RNF217: variants seen among roughly 807,000 people sequenced by gnomAD.
RNF217 encodes E3 ubiquitin-protein ligase RNF217.
In RNF217, 31 loss-of-function variants were observed where a neutral mutation model predicts 57.8. That is an observed-to-expected ratio of 0.54 (90% confidence interval 0.40 to 0.72). The LOEUF is 0.72. Among genes scored for constraint, RNF217 ranks in the 30% least tolerant of loss-of-function variants. RNF217 has a pLI of 0.00. For missense variants in RNF217, 696 were observed against 708.3 expected, an observed-to-expected ratio of 0.98 and a Z score of 0.20; for synonymous variants, 313 against 294.0, an observed-to-expected ratio of 1.06 and a Z score of -0.66.
chr6:125,074,127 A>G (rs1788257351), intron 3 of RNF217, among the ~76,000 whole-genome samples: 1 of 152,154 alleles, frequency 6.6e-6, no homozygotes, highest in African/African-American at 2.4e-5. Flanking sequence ...TTTTGAATAC[A>G]TAAAGTCCTG....
rs1394178138 is a variant in RNF217 at position 125,088,632 on chromosome 6, T to C, written c.*5695T>C. 6.6e-6 allele frequency: 1 copy of C among 152,172 alleles called. No individual in the cohort carries two copies. The highest frequency in any genetic ancestry group is 1.5e-5 in the Non-Finnish European group (1 of 68,014). The allele number at this position is 152,172 out of a possible 1,614,324, so 9.4% of individuals were successfully genotyped here. ...ATATATATCTTTTTGGCTAGAGAAG[T>C]GACTATTTTAGAATAACAGTATGAA... On this transcript the variant is annotated 3_prime_UTR_variant, in exon 6 of 6. Coordinates refer to ENST00000521654, the MANE Select transcript of RNF217 (RefSeq NM_001286398.3).
chr6:125,009,672 G>T (rs1433260416), intron 1 of RNF217, among the ~76,000 whole-genome samples: 1 of 149,928 alleles, frequency 6.7e-6, no homozygotes, highest in Non-Finnish European at 1.5e-5. Context: ...AACCTCTGTT[G>T]TATGATCCCT....
At chr6:125,081,009 T>G (rs1271788608) in intron 4 of RNF217, among the ~76,000 whole-genome samples, 1 of 152,066 alleles carries the variant, frequency 6.6e-6, no homozygotes, top group Non-Finnish European at 1.5e-5. Context: ...AAGCCCTCTG[T>G]AGGACCTACC....
intron 1 of RNF217, among the ~76,000 whole-genome samples, chr6:125,005,733 A>G (rs766144495): frequency 6.6e-6 from 1 of 152,194 alleles, no homozygotes; most frequent in Non-Finnish European, 1.5e-5. Flanking sequence ...GTGGTTATTT[A>G]TTCTGTTATT....
chr6:125,054,140 AT>A (rs1230132406), intron 2 of RNF217, among the ~76,000 whole-genome samples: 2 of 152,162 alleles, frequency 1.3e-5, no homozygotes, highest in African/African-American at 4.8e-5. Context: ...GAGATTAGAC[AT>A]CTACATCCCT....
Position 125,020,484 on chromosome 6 carries a change from C to T in RNF217, c.883-24727C>T, listed in dbSNP as rs112459056. On this transcript the variant is annotated intron_variant, in intron 1 of 5. Coordinates refer to ENST00000521654, the MANE Select transcript of RNF217 (RefSeq NM_001286398.3). ...ATCATGCAGGTCTTTCTCAGAATGA[C>T]GGGCTGGAGCCTAGTCATCCAGATG... Among the ~76,000 whole-genome samples, 556 of 152,252 alleles carry T rather than the reference C, an allele frequency of 3.7e-3. 5 individuals carry two copies. The highest frequency in any genetic ancestry group is 0.032 in the South Asian group (155 of 4,826).
intron 3 of RNF217, among the ~76,000 whole-genome samples, chr6:125,076,111 C>T (rs1046050040): frequency 1.3e-5 from 2 of 152,088 alleles, no homozygotes; most frequent in African/African-American, 4.8e-5. Context: ...ACAAACAACA[C>T]ATTTACAAAT....
intron 3 of RNF217, among the ~76,000 whole-genome samples, chr6:125,070,672 TG>T (rs1260116501): frequency 6.6e-6 from 1 of 152,226 alleles, no homozygotes; most frequent in Non-Finnish European, 1.5e-5. Flanking sequence ...TCATGTCCTT[TG>T]TCCACTTTTT....
chr6:124,986,452 C>T (rs572554073), intron 1 of RNF217, among the ~76,000 whole-genome samples: 1 of 152,298 alleles, frequency 6.6e-6, no homozygotes, highest in East Asian at 1.9e-4. Context: ...GCATGGCTTC[C>T]ATCTGATCCC....
At position 124,988,016 on chromosome 6, in the gene RNF217, TAGG is replaced by T. The variant is rs34909133; in HGVS notation, c.882+24596_882+24598del. On this transcript the variant is annotated intron_variant, in intron 1 of 5. Coordinates refer to ENST00000521654, the MANE Select transcript of RNF217 (RefSeq NM_001286398.3). Reference sequence around the variant, plus strand: ...CCGGACTGTTAGGAACCAGGCCACATAGGAGGAGATAATGCTCGGGTGAGCGAG... The same window carrying T: ...CCGGACTGTTAGGAACCAGGCCACATAGGAGATAATGCTCGGGTGAGCGAG... 8.0e-3 allele frequency among the ~76,000 whole-genome samples: 1,222 copies of T among 152,242 alleles called. 23 individuals carry two copies. Among genetic ancestry groups the T allele is most frequent in the African/African-American group, 0.028 (1,176 of 41,548 alleles).
Position 124,962,699 on chromosome 6 carries a change from G to A in RNF217, c.155G>A (p.Gly52Asp). The A allele has an allele frequency of 7.1e-7, 1 of 1,402,450 alleles. No individual in the cohort carries two copies. Among genetic ancestry groups the A allele is most frequent in the African/African-American group, 1.5e-5 (1 of 65,834 alleles). 86.9% of individuals were successfully genotyped at this position (1,402,450 alleles called of 1,614,324 possible). A position where few individuals can be genotyped will look rare whatever the true frequency, so the allele number is the denominator to read the frequency against. The change falls in exon 1 of 6, where the codon GGC becomes GAC. Residue 52 changes from glycine (G) to aspartate (D), a missense_variant. Transcript: ENST00000521654. The surrounding 1 kb of genome is among the most constrained non-coding windows in gnomAD (Gnocchi z 4.6). ...PLRAASAEPS[G>D]GGCGSDWGCA... ...CGCGCCGCCTCCGCGGAGCCGAGCG[G>A]CGGTGGCTGCGGAAGCGACTGGGGC... is the stretch of plus-strand genomic sequence containing the variant.
chr6:125,033,954 A>G (rs1278352005), intron 1 of RNF217, among the ~76,000 whole-genome samples: 1 of 151,926 alleles, frequency 6.6e-6, no homozygotes, highest in Non-Finnish European at 1.5e-5. Context: ...AGTGATGATG[A>G]GCATTTTTTC....
At position 125,085,091 on chromosome 6, in the gene RNF217, T is replaced by C. The variant is rs1788733584; in HGVS notation, c.*2154T>C. The C allele has an allele frequency of 6.6e-6, 1 of 151,938 alleles. No homozygotes were observed. The highest frequency in any genetic ancestry group is 1.5e-5 in the Non-Finnish European group (1 of 67,854). The allele number at this position is 151,938 out of a possible 1,614,324, so 9.4% of individuals were successfully genotyped here. A position where few individuals can be genotyped will look rare whatever the true frequency, so the allele number is the denominator to read the frequency against. ...TATGAACACATATGCCATATACATA[T>C]ATACCAACGGGCTGAATAACATACT... On this transcript the variant is annotated 3_prime_UTR_variant, in exon 6 of 6. Coordinates refer to ENST00000521654, the MANE Select transcript of RNF217 (RefSeq NM_001286398.3).
chr6:125,060,590 A>G (rs1012140704), intron 3 of RNF217, among the ~76,000 whole-genome samples: 11 of 152,022 alleles, frequency 7.2e-5, no homozygotes, highest in African/African-American at 2.7e-4. Context: ...GATTACAGGC[A>G]TGAGCCACCA....
At chr6:125,006,865 C>T (rs1785199469) in intron 1 of RNF217, among the ~76,000 whole-genome samples, 1 of 152,244 alleles carries the variant, frequency 6.6e-6, no homozygotes, top group Non-Finnish European at 1.5e-5. Context: ...AGGAGAATCA[C>T]TTGAACCCAG....
At chr6:124,968,351 G>A (rs999072776) in intron 1 of RNF217, among the ~76,000 whole-genome samples, 3 of 151,960 alleles carry the variant, frequency 2.0e-5, no homozygotes, top group African/African-American at 4.8e-5. Flanking sequence ...GTGTGTGTGC[G>A]TGCGTGTGTG....
At chr6:125,026,894 A>G (rs1377187497) in intron 1 of RNF217, among the ~76,000 whole-genome samples, 6 of 152,174 alleles carry the variant, frequency 3.9e-5, no homozygotes. Context: ...TTCACATGCA[A>G]AGAGTAATTG....
intron 1 of RNF217, among the ~76,000 whole-genome samples, chr6:125,024,316 C>T (rs1405539839): frequency 2.6e-5 from 4 of 151,896 alleles, no homozygotes; most frequent in Admixed American, 6.6e-5. Context: ...GGCACGGTGG[C>T]TCACGCCTGT....
intron 3 of RNF217, among the ~76,000 whole-genome samples, chr6:125,066,844 AC>A (rs1370044973): frequency 1.3e-5 from 2 of 152,200 alleles, no homozygotes; most frequent in Non-Finnish European, 2.9e-5. Flanking sequence ...AAATGAATAT[AC>A]TTTTTCATTC....
Sources: allele counts gnomAD v4.1 joint callset (sites outside exome capture counted in the v4.1 genomes callset), GRCh38; gene constraint gnomAD v4.1.1; non-coding constraint Gnocchi (gnomAD v3.1); transcripts MANE v1.5; gene names NCBI Gene and HGNC (gene_info 2026-07-23, HGNC 2026-07-21).